LCLAT1: variants seen among roughly 807,000 people sequenced by gnomAD.
LCLAT1 encodes the protein lysocardiolipin acyltransferase 1, also known as 1-AGP acyltransferase 8.
Under a neutral mutation model 30.7 loss-of-function variants are expected in LCLAT1, and 11 were observed. The observed-to-expected ratio is 0.36, with a 90% CI of 0.23 to 0.59. The LOEUF (loss-of-function observed/expected upper bound fraction) is 0.59. LCLAT1 is among the 20% of genes least tolerant of loss of function. The probability of loss-of-function intolerance (pLI) is 0.77; values close to 1 mark genes in which losing one functional copy is unlikely to be tolerated. For synonymous variants in LCLAT1, 155 were observed against 151.3 expected (o/e 1.02, Z -0.18); for missense variants, 402 against 458.6 (o/e 0.88, Z 1.13).
At chr2:30,510,193 T>C (rs1684872896) in intron 1 of LCLAT1, among the ~76,000 whole-genome samples, 2 of 152,154 alleles carry the variant, frequency 1.3e-5, no homozygotes, top group African/African-American at 4.8e-5. Context: ...TCTATGATGA[T>C]CTCTTACTTG....
Position 30,640,255 on chromosome 2 carries a change from C to T in LCLAT1, c.767C>T (p.Pro256Leu), listed in dbSNP as rs372382354. ...HVHRYPIDTL[P>L]TSKEDLQLWC... Reference sequence around the variant, plus strand: ...CACCGGTATCCAATAGACACCCTCCCCACATCCAAGGAGGACCTTCAACTC... The same window carrying T: ...CACCGGTATCCAATAGACACCCTCCTCACATCCAAGGAGGACCTTCAACTC... Residue 256 changes from proline to leucine, a missense_variant, in exon 6 of 6, where the codon CCC becomes CTC. Physicochemically the swap from Pro to Leu is moderately conservative, Grantham distance 98. Coordinates refer to ENST00000379509, the MANE Select transcript of LCLAT1 (RefSeq NM_001002257.3). 6.2e-7 allele frequency: 1 copy of T among 1,613,994 alleles called. No individual in the cohort carries two copies. Among genetic ancestry groups the T allele is most frequent in the African/African-American group, 1.3e-5 (1 of 74,916 alleles).
At chr2:30,569,386 C>T (rs1456489005) in intron 5 of LCLAT1, among the ~76,000 whole-genome samples, 2 of 152,170 alleles carry the variant, frequency 1.3e-5, no homozygotes, top group African/African-American at 2.4e-5. Flanking sequence ...GGTAACTATT[C>T]GGAAACATAC....
At chr2:30,609,067 TC>T (rs1376498908) in intron 5 of LCLAT1, among the ~76,000 whole-genome samples, 2 of 151,368 alleles carry the variant, frequency 1.3e-5, no homozygotes, top group East Asian at 3.9e-4. Context: ...CCTGATATTT[TC>T]TGGGTTTCCT....
intron 5 of LCLAT1, among the ~76,000 whole-genome samples, chr2:30,595,259 G>A (rs1247791549): frequency 1.3e-5 from 2 of 151,970 alleles, no homozygotes; most frequent in African/African-American, 4.8e-5. Context: ...TCCTTTGTGG[G>A]GGTTTTTTTT....
intron 5 of LCLAT1, among the ~76,000 whole-genome samples, chr2:30,582,842 T>C (rs1472663830): frequency 1.3e-5 from 2 of 152,116 alleles, no homozygotes; most frequent in African/African-American, 2.4e-5. Context: ...TGTCACAGAG[T>C]ATGATGGAAT....
intron 1 of LCLAT1, among the ~76,000 whole-genome samples, chr2:30,449,058 G>A (rs894446290): frequency 5.3e-5 from 8 of 152,278 alleles, no homozygotes; most frequent in African/African-American, 1.7e-4. Flanking sequence ...ACTGTGAGGC[G>A]GATACATTTA....
rs17009505 is a variant in LCLAT1 at position 30,452,470 on chromosome 2, T to G, written c.-5+5087T>G. Among the ~76,000 whole-genome samples, 1,281 of 152,308 alleles carry G rather than the reference T, an allele frequency of 8.4e-3. 25 individuals carry two copies. The highest frequency in any genetic ancestry group is 0.029 in the African/African-American group (1,216 of 41,576). ...TTAAGGCCGTCACATCATGCTGTTT[T>G]ACAATTTGGTCACAAAATTATGCCC... On this transcript the variant is annotated intron_variant, in intron 1 of 5. Transcript: ENST00000379509.
intron 1 of LCLAT1, among the ~76,000 whole-genome samples, chr2:30,506,535 A>C (rs1684669728): frequency 6.6e-6 from 1 of 152,122 alleles, no homozygotes; most frequent in South Asian, 2.1e-4. Flanking sequence ...TGCTATTAAG[A>C]ATACAAATAA....
chr2:30,456,595 C>G (rs1681849721), intron 1 of LCLAT1, among the ~76,000 whole-genome samples: 1 of 152,044 alleles, frequency 6.6e-6, no homozygotes, highest in South Asian at 2.1e-4. Context: ...GTGATATTGG[C>G]TGGAGGGCAT....
At chr2:30,559,407 A>G (rs1665089021) in intron 3 of LCLAT1, among the ~76,000 whole-genome samples, 1 of 152,226 alleles carries the variant, frequency 6.6e-6, no homozygotes, top group Non-Finnish European at 1.5e-5. Flanking sequence ...AAATTCTGTC[A>G]TTATTGTATA....
intron 5 of LCLAT1, among the ~76,000 whole-genome samples, chr2:30,611,408 G>A (rs545781147): frequency 6.6e-6 from 1 of 152,226 alleles, no homozygotes; most frequent in South Asian, 2.1e-4. Flanking sequence ...AGTTGAGGGT[G>A]AAAGAGAGTG....
chr2:30,465,230 G>T (rs1276862020), intron 1 of LCLAT1, among the ~76,000 whole-genome samples: 1 of 152,190 alleles, frequency 6.6e-6, no homozygotes, highest in Non-Finnish European at 1.5e-5. Context: ...GTGAGGCAGA[G>T]GGAGATTATA....
intron 1 of LCLAT1, among the ~76,000 whole-genome samples, chr2:30,486,744 C>G (rs916947607): frequency 3.0e-4 from 46 of 152,124 alleles, no homozygotes; most frequent in African/African-American, 1.1e-3. Flanking sequence ...CACATTCTTA[C>G]CTTTCTTGCT....
At chr2:30,488,513 T>G (rs1683668659) in intron 1 of LCLAT1, among the ~76,000 whole-genome samples, 1 of 152,266 alleles carries the variant, frequency 6.6e-6, no homozygotes, top group African/African-American at 2.4e-5. Flanking sequence ...TTACTTTCTC[T>G]TTTCTTTTAA....
intron 5 of LCLAT1, among the ~76,000 whole-genome samples, chr2:30,620,077 G>C (rs1234529552): frequency 1.3e-5 from 2 of 152,078 alleles, no homozygotes; most frequent in East Asian, 3.9e-4. Flanking sequence ...TCCTCCCCAA[G>C]GTTATGTATG....
At chr2:30,603,489 A>AAAT (rs1249794060) in intron 5 of LCLAT1, among the ~76,000 whole-genome samples, 1 of 152,044 alleles carries the variant, frequency 6.6e-6, no homozygotes, top group African/African-American at 2.4e-5. Context: ...TTTTGAAGGA[A>AAAT]AATGGTTTCC....
At chr2:30,634,898 C>G (rs1668950936) in intron 5 of LCLAT1, among the ~76,000 whole-genome samples, 1 of 152,252 alleles carries the variant, frequency 6.6e-6, no homozygotes, top group Non-Finnish European at 1.5e-5. Flanking sequence ...TAACCTCTTT[C>G]ACCTGTTCCC....
At chr2:30,496,113 G>A (rs760619400) in intron 1 of LCLAT1, among the ~76,000 whole-genome samples, 14 of 152,034 alleles carry the variant, frequency 9.2e-5, no homozygotes, top group Admixed American at 6.6e-5. Flanking sequence ...GAAGAGAAAG[G>A]GGGAAGTGCT....
intron 5 of LCLAT1, among the ~76,000 whole-genome samples, chr2:30,631,274 A>G (rs986881698): frequency 3.9e-5 from 6 of 152,138 alleles, no homozygotes; most frequent in Non-Finnish European, 8.8e-5. Flanking sequence ...GAGCAAGACA[A>G]CTTTCTCTAG....
Sources: gnomAD v4.1 joint callset for allele counts (sites outside exome capture counted in the v4.1 genomes callset) on GRCh38, gnomAD v4.1.1 for gene constraint, MANE v1.5 for transcripts, NCBI Gene and HGNC (gene_info 2026-07-23, HGNC 2026-07-21) for gene names.